UVRAG: variants seen among roughly 807,000 people sequenced by gnomAD.
UVRAG encodes UV radiation resistance-associated gene protein.
UVRAG carries 19 observed loss-of-function variants against 78.0 expected under a neutral mutation model. That is an observed-to-expected ratio of 0.24 (90% CI 0.17 to 0.36). The LOEUF (loss-of-function observed/expected upper bound fraction) is 0.36, where lower values mean the gene tolerates loss of function less well. Ranked by LOEUF, UVRAG falls within the 10% of genes least tolerant of loss-of-function variation. The pLI, the probability that UVRAG is intolerant of heterozygous loss-of-function variation, is 1.00. For synonymous variants in UVRAG, 323 were observed against 324.6 expected, an observed-to-expected ratio of 1.00 and a Z score of 0.05; for missense variants, 740 against 853.8, an observed-to-expected ratio of 0.87 and a Z score of 1.66.
chr11:76,059,294 A>G (rs1487181238), intron 12 of UVRAG, among the ~76,000 whole-genome samples: 3 of 152,218 alleles, frequency 2.0e-5, no homozygotes, highest in African/African-American at 7.2e-5. Flanking sequence ...ATAACAACTA[A>G]GTATGTAATG....
At chr11:76,137,022 T>A (rs1374693948) in intron 14 of UVRAG, among the ~76,000 whole-genome samples, 3 of 152,202 alleles carry the variant, frequency 2.0e-5, no homozygotes, top group African/African-American at 4.8e-5. Flanking sequence ...AGCTTGGCTA[T>A]CTTAAAAATC....
intron 8 of UVRAG, among the ~76,000 whole-genome samples, chr11:75,990,073 G>C (rs1345267713): frequency 6.6e-6 from 1 of 152,174 alleles, no homozygotes; most frequent in Non-Finnish European, 1.5e-5. Context: ...AGTGTATTTG[G>C]AATGTGAATA....
chr11:75,877,590 C>T (rs1174578320), intron 3 of UVRAG, among the ~76,000 whole-genome samples: 3 of 137,134 alleles, frequency 2.2e-5, no homozygotes, highest in East Asian at 2.4e-4. Context: ...CCGTACGGGT[C>T]GGCTGGCCGG....
chr11:75,954,652 T>A (rs1218981770), intron 6 of UVRAG, among the ~76,000 whole-genome samples: 1 of 152,258 alleles, frequency 6.6e-6, no homozygotes, highest in Non-Finnish European at 1.5e-5. Context: ...CATTAGGCAT[T>A]AAGCCAGCAA....
chr11:75,822,853 G>A (rs7125495), intron 1 of UVRAG, among the ~76,000 whole-genome samples: 4,658 of 151,956 alleles, frequency 0.031, 218 homozygotes, highest in African/African-American at 0.1. Flanking sequence ...TTGTATGGAG[G>A]CTTCATCATG....
At chr11:76,039,516 A>G (rs1950601424) in intron 12 of UVRAG, among the ~76,000 whole-genome samples, 2 of 152,338 alleles carry the variant, frequency 1.3e-5, no homozygotes, top group South Asian at 2.1e-4. Flanking sequence ...ACATATTTGA[A>G]AAAAGGGAAA....
At chr11:75,913,042 G>T (rs1418957420) in intron 6 of UVRAG, among the ~76,000 whole-genome samples, 1 of 152,182 alleles carries the variant, frequency 6.6e-6, no homozygotes, top group African/African-American at 2.4e-5. Flanking sequence ...AAATTAGAGG[G>T]TGGAGATTGT....
intron 6 of UVRAG, among the ~76,000 whole-genome samples, chr11:75,921,096 C>G (rs1947971096): frequency 6.6e-6 from 1 of 152,148 alleles, no homozygotes; most frequent in South Asian, 2.1e-4. Context: ...GGATTACATT[C>G]CCAGCAGTGG....
intron 1 of UVRAG, among the ~76,000 whole-genome samples, chr11:75,832,294 A>G (rs938289096): frequency 2.0e-5 from 3 of 152,224 alleles, no homozygotes; most frequent in Non-Finnish European, 4.4e-5. Context: ...GGCTGCTCCC[A>G]CAGACGTCAG....
chr11:76,076,365 T>G (rs56117351), intron 13 of UVRAG, among the ~76,000 whole-genome samples: 20,602 of 152,176 alleles, frequency 0.14, 3,582 homozygotes, highest in African/African-American at 0.41. Flanking sequence ...AGAAGCAATT[T>G]TACTGTGTTA....
chr11:76,025,131 C>T (rs1459165228), intron 12 of UVRAG, among the ~76,000 whole-genome samples: 1 of 152,190 alleles, frequency 6.6e-6, no homozygotes, highest in Non-Finnish European at 1.5e-5. Flanking sequence ...ATTACTTGTG[C>T]ACCTGCATAC....
intron 12 of UVRAG, among the ~76,000 whole-genome samples, chr11:76,053,253 CCCAGATCATA>C (rs1034658003): frequency 6.6e-6 from 1 of 151,480 alleles, no homozygotes; most frequent in African/African-American, 2.4e-5. Context: ...TTGCAGTGAG[CCCAGATCATA>C]CCACTGCACT....
At chr11:75,865,162 C>T (rs1008455714) in intron 3 of UVRAG, among the ~76,000 whole-genome samples, 6 of 151,892 alleles carry the variant, frequency 4.0e-5, no homozygotes, top group Non-Finnish European at 8.8e-5. Flanking sequence ...TGGCACATGC[C>T]TGTAATCTCA....
chr11:75,847,627 A>G (rs1200284606), intron 1 of UVRAG, among the ~76,000 whole-genome samples: 1 of 152,070 alleles, frequency 6.6e-6, no homozygotes, highest in African/African-American at 2.4e-5. Context: ...GAGGGTTTAC[A>G]TGTACACTTA....
At chr11:75,862,082 A>G (rs1488442491) in intron 3 of UVRAG, among the ~76,000 whole-genome samples, 1 of 152,156 alleles carries the variant, frequency 6.6e-6, no homozygotes, top group African/African-American at 2.4e-5. Context: ...CTTACAGTAT[A>G]ATAATAATAA....
At chr11:76,034,889 T>A (rs1390377142) in intron 12 of UVRAG, among the ~76,000 whole-genome samples, 2 of 152,212 alleles carry the variant, frequency 1.3e-5, no homozygotes, top group Non-Finnish European at 2.9e-5. Flanking sequence ...ATACTAGAAG[T>A]ATTAACTGTA....
rs144951867 is a variant in UVRAG, at chr11:76,046,356, A to G, written c.1227-19354A>G. ...AGCCCCCGCACTGGCCAATGGAGCA[A>G]GAGATCGAAGGCACCAAGAAAGAGT... On this transcript the variant is annotated intron_variant, in intron 12 of 14. Transcript: ENST00000356136. Among the ~76,000 whole-genome samples, 1,086 of 152,302 alleles carry G rather than the reference A, an allele frequency of 7.1e-3. 13 individuals are homozygous for G. The highest frequency in any genetic ancestry group is 0.025 in the African/African-American group (1,032 of 41,550).
chr11:76,090,672 A>G (rs1951680552), intron 13 of UVRAG, among the ~76,000 whole-genome samples: 1 of 152,008 alleles, frequency 6.6e-6, no homozygotes, highest in Non-Finnish European at 1.5e-5. Flanking sequence ...TTTTTCCCCT[A>G]ATGTTTTTTA....
At chr11:75,857,521 G>C (rs867536125) in intron 2 of UVRAG, among the ~76,000 whole-genome samples, 2 of 144,526 alleles carry the variant, frequency 1.4e-5, no homozygotes, top group Non-Finnish European at 3.0e-5. Context: ...ATGGAGTCTC[G>C]CTCTGTTGCC....
Sources: allele counts gnomAD v4.1 joint callset (sites outside exome capture counted in the v4.1 genomes callset), GRCh38; gene constraint gnomAD v4.1.1; transcripts MANE v1.5; gene names NCBI Gene and HGNC (gene_info 2026-07-23, HGNC 2026-07-21).